The following NAB1 variants were observed in gnomAD, a reference collection of about 807,000 sequenced individuals.
NAB1 encodes NGFI-A-binding protein 1.
Under a neutral mutation model 49.9 loss-of-function variants are expected in NAB1, and 25 were observed. The observed-to-expected ratio is 0.50, with a 90% CI of 0.37 to 0.70. NAB1 has a LOEUF of 0.70. Ranked by LOEUF, NAB1 falls within the 30% of genes least tolerant of loss-of-function variation. The pLI is 0.00. For missense variants in NAB1, 489 were observed against 575.9 expected (o/e 0.85, Z 1.54); for synonymous variants, 198 against 215.6 (o/e 0.92, Z 0.71).
rs556788467 is a variant in NAB1, at chr2:190,656,161, T to C, written c.-20+8T>C. On this transcript the variant is annotated splice_region_variant and intron_variant, in intron 3 of 9. Transcript: ENST00000337386. ...ATATCTTGAAAAGCCCAGGTAACAG[T>C]AGTTTTCAGCTGAGTGGATTTACAA... The C allele has an allele frequency of 6.6e-6, 1 of 152,338 alleles. No individual in the cohort carries two copies. The highest frequency in any genetic ancestry group is 2.4e-5 in the African/African-American group (1 of 41,568). The allele number at this position is 152,338 out of a possible 1,614,324, so 9.4% of individuals were successfully genotyped here.
intron 9 of NAB1, among the ~76,000 whole-genome samples, chr2:190,687,865 A>C (rs1695696577): frequency 6.6e-6 from 1 of 152,206 alleles, no homozygotes; most frequent in South Asian, 2.1e-4. Flanking sequence ...TTTGGCAATA[A>C]CATAATATGA....
In NAB1 at chr2:190,663,334, G is replaced by A. The variant is rs1346657985; in HGVS notation, c.819+3339G>A. On this transcript the variant is annotated intron_variant, in intron 4 of 9. Coordinates refer to ENST00000337386, the MANE Select transcript of NAB1 (RefSeq NM_005966.4). This position sits in a 1 kb window ranked among gnomAD's most constrained non-coding sequence, Gnocchi z 4.2. ...GTACACTTATCTCTCCTTAGCTCCT[G>A]ACCAACCTTGCCAAAGGTTTGCCAA... Among the ~76,000 whole-genome samples the A allele has an allele frequency of 6.6e-6, 1 of 152,144 alleles. No homozygotes were observed. Among genetic ancestry groups the A allele is most frequent in the African/African-American group, 2.4e-5 (1 of 41,424 alleles).
rs969474523 is a variant in NAB1 at position 190,649,451 on chromosome 2, T to G, written c.-334+91T>G. 6.6e-6 allele frequency: 1 copy of G among 151,860 alleles called. No homozygotes were observed. 9.4% of individuals were successfully genotyped at this position (151,860 alleles called of 1,614,324 possible). On this transcript the variant is annotated intron_variant, in intron 1 of 9. Coordinates refer to ENST00000337386, the MANE Select transcript of NAB1 (RefSeq NM_005966.4). The surrounding 1 kb of genome is among the most constrained non-coding windows in gnomAD (Gnocchi z 6.1). ...CGGCCACGGGCGAACTTGGGGCGGC[T>G]GAGTCGCGGGGCCACGCGGGCACTT...
rs947325077 is a variant in NAB1, at chr2:190,674,950, T to C, written c.1005+1798T>C. 2.0e-5 allele frequency among the ~76,000 whole-genome samples: 3 copies of C among 152,200 alleles called. No individual in the cohort carries two copies. The highest frequency in any genetic ancestry group is 4.8e-5 in the African/African-American group (2 of 41,460). Reference sequence around the variant, plus strand: ...GTTAGCTCTGGAATAATGTTTAAGATGGTTAACTCAGAAAATGTTGAAATT... The same window carrying C: ...GTTAGCTCTGGAATAATGTTTAAGACGGTTAACTCAGAAAATGTTGAAATT... On this transcript the variant is annotated intron_variant, in intron 6 of 9. Transcript: ENST00000337386. The surrounding 1 kb of genome is among the most constrained non-coding windows in gnomAD (Gnocchi z 5.7).
intron 4 of NAB1, among the ~76,000 whole-genome samples, chr2:190,665,617 C>T (rs1001073478): frequency 9.9e-5 from 15 of 152,084 alleles, no homozygotes; most frequent in African/African-American, 2.7e-4. Flanking sequence ...TTTGGAGTCC[C>T]GGGAAGAAAG....
chr2:190,686,206 A>AT lies in NAB1; in HGVS notation c.1258+575dup, dbSNP rs1479864183. On this transcript the variant is annotated intron_variant, in intron 8 of 9. Coordinates refer to ENST00000337386, the MANE Select transcript of NAB1 (RefSeq NM_005966.4). This position sits in a 1 kb window ranked among gnomAD's most constrained non-coding sequence, Gnocchi z 5.5. Reference sequence around the variant, plus strand: ...TATTCACCCAACCAACAGGCATTTTATTTTTTTAGCAATTCCTATGTGCCA... The same window carrying AT: ...TATTCACCCAACCAACAGGCATTTTATTTTTTTTAGCAATTCCTATGTGCCA... 1.3e-5 allele frequency among the ~76,000 whole-genome samples: 2 copies of AT among 152,168 alleles called. No individual in the cohort carries two copies. The highest frequency in any genetic ancestry group is 2.9e-5 in the Non-Finnish European group (2 of 68,012).
rs949181278 is a variant in NAB1 at position 190,674,210 on chromosome 2, C to T, written c.1005+1058C>T. On this transcript the variant is annotated intron_variant, in intron 6 of 9. Transcript: ENST00000337386. The surrounding 1 kb of genome is among the most constrained non-coding windows in gnomAD (Gnocchi z 5.7). The stretch of plus-strand genomic sequence containing the variant: ...TTTTTTTTTAAAGGATCTAAGACCC[C>T]ACATGATCTGACTGCAGCTTGCATC... Among the ~76,000 whole-genome samples the T allele has an allele frequency of 6.6e-6, 1 of 152,154 alleles. No individual in the cohort carries two copies. The highest frequency in any genetic ancestry group is 1.5e-5 in the Non-Finnish European group (1 of 68,024).
chr2:190,680,438 C>T lies in NAB1; in HGVS notation c.1006-3300C>T, dbSNP rs1435218268. Among the ~76,000 whole-genome samples, 1 of 152,178 alleles carries T rather than the reference C, an allele frequency of 6.6e-6. No individual in the cohort carries two copies. Among genetic ancestry groups the T allele is most frequent in the Non-Finnish European group, 1.5e-5 (1 of 68,038 alleles). ...TTTCTTTTGGAACTCTCAGCCTAGA[C>T]ACCCTGGCCTCTGGGATGCCTGCTC... On this transcript the variant is annotated intron_variant, in intron 6 of 9. Transcript: ENST00000337386. The surrounding 1 kb of genome is among the most constrained non-coding windows in gnomAD (Gnocchi z 5.2).
rs887181075 is a variant in NAB1 at position 190,667,052 on chromosome 2, A to G, written c.820-3274A>G. 1.3e-5 allele frequency among the ~76,000 whole-genome samples: 2 copies of G among 152,212 alleles called. No homozygotes were observed. Among genetic ancestry groups the G allele is most frequent in the Admixed American group, 6.5e-5 (1 of 15,280 alleles). ...TGTTTTTAAGGGAGAGGCTTCATGA[A>G]TCAGCTTTTTATTACAACTTGGGGG... On this transcript the variant is annotated intron_variant, in intron 4 of 9. Transcript: ENST00000337386. The surrounding 1 kb of genome is among the most constrained non-coding windows in gnomAD (Gnocchi z 4.4).
At position 190,684,155 on chromosome 2, in the gene NAB1, C is replaced by T. The variant is rs1187644473; in HGVS notation, c.1095+328C>T. Among the ~76,000 whole-genome samples, 1 of 152,140 alleles carries T rather than the reference C, an allele frequency of 6.6e-6. No homozygotes were observed. The highest frequency in any genetic ancestry group is 1.5e-5 in the Non-Finnish European group (1 of 68,022). ...TTGACCATGGCTGTGTGTAATGCAA[C>T]TCTGAGATAAAATAATACTAGTTCT... is the stretch of plus-strand genomic sequence containing the variant. On this transcript the variant is annotated intron_variant, in intron 7 of 9. Transcript: ENST00000337386. The surrounding 1 kb of genome is among the most constrained non-coding windows in gnomAD (Gnocchi z 4.6).
At chr2:190,665,312 G>C (rs1478203231) in intron 4 of NAB1, among the ~76,000 whole-genome samples, 1 of 142,798 alleles carries the variant, frequency 7.0e-6, no homozygotes, top group African/African-American at 2.6e-5. Flanking sequence ...GACAGAGCAA[G>C]ACTCCATCTC....
Position 190,692,512 on chromosome 2 carries a change from AT to A in NAB1, c.*2184del, listed in dbSNP as rs1438189782. 3 of 152,626 alleles carry A rather than the reference AT, an allele frequency of 2.0e-5. No individual in the cohort carries two copies. The highest frequency in any genetic ancestry group is 6.5e-5 in the Admixed American group (1 of 15,276). 9.5% of individuals were successfully genotyped at this position (152,626 alleles called of 1,614,324 possible). On this transcript the variant is annotated 3_prime_UTR_variant, in exon 10 of 10. Transcript: ENST00000337386. This position sits in a 1 kb window ranked among gnomAD's most constrained non-coding sequence, Gnocchi z 5.2. ...CTATACATTAAAGCAAATAATATAT[AT>A]TTTTATTTGAATTGTATATGTGAAT...
At chr2:190,650,883 C>G (rs1393049494) in intron 2 of NAB1, among the ~76,000 whole-genome samples, 1 of 152,012 alleles carries the variant, frequency 6.6e-6, no homozygotes, top group Non-Finnish European at 1.5e-5. Context: ...CCTTTTTTAT[C>G]CCTGATTTGG....
At chr2:190,681,619 G>A (rs1204852370) in intron 6 of NAB1, among the ~76,000 whole-genome samples, 1 of 152,112 alleles carries the variant, frequency 6.6e-6, no homozygotes, top group African/African-American at 2.4e-5. Flanking sequence ...TTACATACTG[G>A]CCCATGATAA....
intron 5 of NAB1, among the ~76,000 whole-genome samples, chr2:190,671,424 A>G (rs1309523592): frequency 1.3e-5 from 2 of 152,218 alleles, no homozygotes; most frequent in African/African-American, 4.8e-5. Flanking sequence ...ACTGACAAGT[A>G]AAATCATGTA....
In NAB1 at chr2:190,651,006, C is replaced by T. The variant is rs573885174; in HGVS notation, c.-197+1024C>T. On this transcript the variant is annotated intron_variant, in intron 2 of 9. Coordinates refer to ENST00000337386, the MANE Select transcript of NAB1 (RefSeq NM_005966.4). The surrounding 1 kb of genome is among the most constrained non-coding windows in gnomAD (Gnocchi z 4.3). ...CCATTTTGCACTAAAGTTAATATGCCATTTCGAGATTAAAAATGTTTTTTT... is the reference window on the plus strand; with the variant it reads ...CCATTTTGCACTAAAGTTAATATGCTATTTCGAGATTAAAAATGTTTTTTT... Among the ~76,000 whole-genome samples, 1 of 152,178 alleles carries T rather than the reference C, an allele frequency of 6.6e-6. No homozygotes were observed. Among genetic ancestry groups the T allele is most frequent in the African/African-American group, 2.4e-5 (1 of 41,524 alleles).
At chr2:190,665,792 A>G (rs1380473797) in intron 4 of NAB1, among the ~76,000 whole-genome samples, 1 of 152,166 alleles carries the variant, frequency 6.6e-6, no homozygotes, top group East Asian at 1.9e-4. Flanking sequence ...CCCAGTCATT[A>G]CTAGGGTTCA....
rs563779490 is a variant in NAB1 at position 190,680,838 on chromosome 2, C to T, written c.1006-2900C>T. Among the ~76,000 whole-genome samples the T allele has an allele frequency of 5.3e-5, 8 of 152,278 alleles. No individual in the cohort carries two copies. Among genetic ancestry groups the T allele is most frequent in the African/African-American group, 1.9e-4 (8 of 41,550 alleles). On this transcript the variant is annotated intron_variant, in intron 6 of 9. Coordinates refer to ENST00000337386, the MANE Select transcript of NAB1 (RefSeq NM_005966.4). The surrounding 1 kb of genome is among the most constrained non-coding windows in gnomAD (Gnocchi z 5.2). The stretch of plus-strand genomic sequence containing the variant: ...CTGGTGGCTTTTTGGATGAACTTAA[C>T]AGATATCAGTAACAAACATTTATCA...
In NAB1 at chr2:190,678,757, A is replaced by T. The variant is rs776499688; in HGVS notation, c.1006-4981A>T. Among the ~76,000 whole-genome samples the T allele has an allele frequency of 6.6e-6, 1 of 152,214 alleles. No individual in the cohort carries two copies. The highest frequency in any genetic ancestry group is 2.4e-5 in the African/African-American group (1 of 41,446). On this transcript the variant is annotated intron_variant, in intron 6 of 9. Coordinates refer to ENST00000337386, the MANE Select transcript of NAB1 (RefSeq NM_005966.4). This position sits in a 1 kb window ranked among gnomAD's most constrained non-coding sequence, Gnocchi z 4.9. ...CGCTGCTACTAAGCTTGTTGAAAAG[A>T]AAGCTGGTCTAATTTGACGTAGACT...
Sources: gnomAD v4.1 joint callset for allele counts (sites outside exome capture counted in the v4.1 genomes callset) on GRCh38, gnomAD v4.1.1 for gene constraint, Gnocchi (gnomAD v3.1) non-coding constraint, MANE v1.5 for transcripts, NCBI Gene and HGNC (gene_info 2026-07-23, HGNC 2026-07-21) for gene names.